Variants in GRK4 observed in about 807,000 individuals in gnomAD.
The protein encoded by GRK4 is G protein-coupled receptor kinase 4.
GRK4 carries 73 observed loss-of-function variants against 77.9 expected under a neutral mutation model. The ratio of observed to expected loss-of-function variants is 0.94; its 90% CI spans 0.78 to 1.14. The LOEUF (loss-of-function observed/expected upper bound fraction) is 1.14, where lower values mean the gene tolerates loss of function less well. Among genes scored for constraint, GRK4 ranks in the 50% most tolerant of loss-of-function variants. The pLI is 0.00. For synonymous variants in GRK4, 257 were observed against 254.4 expected (o/e 1.01, Z -0.10); for missense variants, 729 against 700.2 (o/e 1.04, Z -0.46).
At chr4:3,010,508 TGA>T (rs1732610334) in intron 7 of GRK4, among the ~76,000 whole-genome samples, 1 of 152,160 alleles carries the variant, frequency 6.6e-6, no homozygotes, top group Non-Finnish European at 1.5e-5. Context: ...ATTACAGGCG[TGA>T]GCCACCGTGC....
chr4:2,993,537 G>T (rs1034032608), intron 4 of GRK4, among the ~76,000 whole-genome samples: 2 of 152,176 alleles, frequency 1.3e-5, no homozygotes, highest in Non-Finnish European at 2.9e-5. Context: ...AGCCAGGCGT[G>T]GTGGTGCATG....
In GRK4 at chr4:2,984,558, TACTG is replaced by T; in HGVS notation, c.101_104del (p.Leu34HisfsTer28). On this transcript the variant is annotated frameshift_variant, in exon 2 of 16. Coordinates refer to ENST00000398052, the MANE Select transcript of GRK4 (RefSeq NM_182982.3). LOFTEE classifies it high-confidence loss of function. ...GGTCGTAGTAAAAAATGGAAGGAGA[TACTG>T]ACACTGCCTCCTGTCAGCCAGTGCA... The T allele has an allele frequency of 6.2e-7, 1 of 1,611,942 alleles. No individual in the cohort carries two copies. Among genetic ancestry groups the T allele is most frequent in the Non-Finnish European group, 8.5e-7 (1 of 1,178,358 alleles).
chr4:3,010,814 C>A (rs889337932), intron 7 of GRK4, among the ~76,000 whole-genome samples: 2 of 152,156 alleles, frequency 1.3e-5, no homozygotes, highest in African/African-American at 4.8e-5. Flanking sequence ...CTAGCATTGC[C>A]TTGAAGTTAA....
Position 2,963,996 on chromosome 4 carries a change from G to A in GRK4, c.-75G>A, listed in dbSNP as rs1369688592. 12 of 1,344,386 alleles carry A rather than the reference G, an allele frequency of 8.9e-6. No individual in the cohort carries two copies. The highest frequency in any genetic ancestry group is 2.4e-5 in the South Asian group (2 of 81,832). The allele number at this position is 1,344,386 out of a possible 1,614,324, so 83.3% of individuals were successfully genotyped here. Reference sequence around the variant, plus strand: ...GCCCGGCGAGCTATGCACGGGGGCGGCGGCGTCTCCTCCTGTTCCGCCTCC... The same window carrying A: ...GCCCGGCGAGCTATGCACGGGGGCGACGGCGTCTCCTCCTGTTCCGCCTCC... On this transcript the variant is annotated 5_prime_UTR_variant, in exon 1 of 16. Transcript: ENST00000398052.
intron 14 of GRK4, 89 bp from the exon 15 acceptor site, chr4:3,038,287 G>C (rs1741398551): frequency 2.3e-5 from 35 of 1,524,084 alleles, no homozygotes; most frequent in Non-Finnish European, 3.0e-5. Flanking sequence ...CCCCGCACGG[G>C]GCTGGGCAGG....
chr4:3,027,830 G>T, intron 10 of GRK4, 82 bp from the exon 11 acceptor site: 1 of 1,079,188 alleles, frequency 9.3e-7, no homozygotes, highest in Admixed American at 1.9e-5. Flanking sequence ...GGTTTTTGAG[G>T]GGCCTTTTTT....
intron 9 of GRK4, 51 bp downstream of exon 9, chr4:3,019,882 C>T (rs375066699): frequency 4.5e-6 from 7 of 1,543,320 alleles, no homozygotes; most frequent in African/African-American, 4.1e-5. Flanking sequence ...GCCGGTTTCT[C>T]CCAGCCCTAG....
chr4:2,976,955 A>G (rs1388745744), intron 1 of GRK4, among the ~76,000 whole-genome samples: 3 of 152,106 alleles, frequency 2.0e-5, no homozygotes, highest in Admixed American at 6.5e-5. Flanking sequence ...TCTTTCTTTC[A>G]AGTCTCTACT....
chr4:3,040,040 A>T (rs561291094), intron 15 of GRK4, among the ~76,000 whole-genome samples: 1 of 152,366 alleles, frequency 6.6e-6, no homozygotes, highest in African/African-American at 2.4e-5. Context: ...CAGCCATGGT[A>T]CATGCAGAAC....
intron 1 of GRK4, among the ~76,000 whole-genome samples, chr4:2,974,906 T>A (rs772679563): frequency 1.3e-5 from 2 of 152,204 alleles, no homozygotes; most frequent in African/African-American, 2.4e-5. Context: ...GAGTGCGTCT[T>A]GAGTTGGCAT....
chr4:3,027,306 C>T (rs112871937), intron 10 of GRK4, among the ~76,000 whole-genome samples: 1 of 152,228 alleles, frequency 6.6e-6, no homozygotes, highest in Admixed American at 6.5e-5. Context: ...CTTGGCCTCC[C>T]AAAGTGCTGG....
Position 3,037,385 on chromosome 4 carries a change from T to A in GRK4, c.1419T>A (p.Val473=). The change falls in exon 14 of 16, where the codon GTT becomes GTA. Residue 473 remains valine (V), a synonymous_variant. Coordinates refer to ENST00000398052, the MANE Select transcript of GRK4 (RefSeq NM_182982.3). ...TTCTTGCTACACAGCCTCATGCCGTTTACTGTAAGGACGTCCTGGATATCG... is the reference window on the plus strand; with the variant it reads ...TTCTTGCTACACAGCCTCATGCCGTATACTGTAAGGACGTCCTGGATATCG... ...EPPFCPDPHA[V]YCKDVLDIEQ... 1 of 1,600,284 alleles carries A rather than the reference T, an allele frequency of 6.2e-7. No homozygotes were observed.
intron 1 of GRK4, among the ~76,000 whole-genome samples, chr4:2,977,927 C>G (rs1333819614): frequency 6.6e-6 from 1 of 152,226 alleles, no homozygotes; most frequent in Non-Finnish European, 1.5e-5. Context: ...ACTATATATT[C>G]TGATTACTCA....
intron 10 of GRK4, among the ~76,000 whole-genome samples, chr4:3,024,477 TTTTGAC>T (rs1275775783): frequency 6.6e-6 from 1 of 152,068 alleles, no homozygotes; most frequent in Non-Finnish European, 1.5e-5. Context: ...CTCACTGCAG[TTTTGAC>T]CTCCAGGGCT....
At chr4:3,032,255 G>C (rs1739373082) in intron 12 of GRK4, among the ~76,000 whole-genome samples, 1 of 151,782 alleles carries the variant, frequency 6.6e-6, no homozygotes, top group Non-Finnish European at 1.5e-5. Context: ...GGTCAAGGCA[G>C]GTGGATCATG....
At position 2,992,226 on chromosome 4, in the gene GRK4, A is replaced by G. The variant is rs746178888; in HGVS notation, c.273A>G (p.Glu91=). The G allele has an allele frequency of 1.6e-5, 25 of 1,608,344 alleles. No homozygotes were observed. Among genetic ancestry groups the G allele is most frequent in the Non-Finnish European group, 2.1e-5 (25 of 1,175,112 alleles). The change falls in exon 4 of 16, where the codon GAA becomes GAG. Residue 91 remains glutamate, a synonymous_variant. Transcript: ENST00000398052. ...IEFLDAVAEY[E]VADDEDRSDC... is the part of the protein sequence containing the mutation. ...ATCTCTCCAATCAGGCAGAATATGA[A>G]GTTGCCGATGATGAGGACCGAAGTG... is the stretch of plus-strand genomic sequence containing the variant.
chr4:3,037,310 G>A, intron 13 of GRK4, 64 bp from the exon 14 acceptor site: 1 of 1,475,678 alleles, frequency 6.8e-7, no homozygotes, highest in Non-Finnish European at 9.2e-7. Context: ...TTCATTCTTG[G>A]GAACTGAGGG....
intron 6 of GRK4, 132 bp downstream of exon 6, chr4:3,007,960 G>A (rs1384616304): frequency 8.8e-6 from 5 of 565,100 alleles, no homozygotes; most frequent in Non-Finnish European, 1.6e-5. Flanking sequence ...GGATGATCAA[G>A]CCTGTGAATA....
intron 4 of GRK4, among the ~76,000 whole-genome samples, chr4:2,997,849 A>G (rs1728388234): frequency 6.7e-6 from 1 of 150,250 alleles, no homozygotes; most frequent in Non-Finnish European, 1.5e-5. Context: ...CAGAGGTTAC[A>G]GTGAGCTGAG....
Sources: allele counts gnomAD v4.1 joint callset (sites outside exome capture counted in the v4.1 genomes callset), GRCh38; gene constraint gnomAD v4.1.1; transcripts MANE v1.5; gene names NCBI Gene and HGNC (gene_info 2026-07-23, HGNC 2026-07-21).